The following ZNF407 variants were observed in gnomAD, a reference collection of about 807,000 sequenced individuals.
ZNF407 encodes the protein zinc finger protein 407.
Under a neutral mutation model 131.2 loss-of-function variants are expected in ZNF407, and 17 were observed. The ratio of observed to expected loss-of-function variants is 0.13; its 90% CI spans 0.09 to 0.19. The LOEUF (loss-of-function observed/expected upper bound fraction) is 0.19. Ranked by LOEUF, ZNF407 falls within the 10% of genes least tolerant of loss-of-function variation. The probability of loss-of-function intolerance (pLI) is 1.00; values close to 1 mark genes in which losing one functional copy is unlikely to be tolerated. For missense variants in ZNF407, 2,681 were observed against 2,830.6 expected (o/e 0.95, Z 1.20); for synonymous variants, 1,156 against 1,062.0 (o/e 1.09, Z -1.72).
chr18:74,796,045 T>C (rs1187470356), intron 4 of ZNF407, among the ~76,000 whole-genome samples: 1 of 152,254 alleles, frequency 6.6e-6, no homozygotes, highest in Non-Finnish European at 1.5e-5. Flanking sequence ...AATCGGCTGC[T>C]CTTTTCTCCC....
intron 3 of ZNF407, among the ~76,000 whole-genome samples, chr18:74,770,780 G>A (rs887070621): frequency 1.3e-5 from 2 of 152,092 alleles, no homozygotes; most frequent in African/African-American, 4.8e-5. Flanking sequence ...TAAGCTCTCA[G>A]ATTCTTGAAC....
At chr18:74,853,126 G>A (rs1970812632) in intron 4 of ZNF407, among the ~76,000 whole-genome samples, 2 of 152,070 alleles carry the variant, frequency 1.3e-5, no homozygotes, top group South Asian at 2.1e-4. Flanking sequence ...TCAAATGTGT[G>A]TACATCTTTG....
At chr18:74,774,973 C>T (rs1316541134) in intron 3 of ZNF407, among the ~76,000 whole-genome samples, 2 of 151,998 alleles carry the variant, frequency 1.3e-5, no homozygotes, top group East Asian at 1.9e-4. Flanking sequence ...AGTGGTGAGC[C>T]GGTTTGGAGA....
chr18:74,676,734 A>T (rs1257370221), intron 3 of ZNF407, among the ~76,000 whole-genome samples: 14 of 152,206 alleles, frequency 9.2e-5, no homozygotes, highest in Middle Eastern at 3.4e-3. Context: ...GTGCCCGGCC[A>T]GTATTTTTTA....
chr18:74,602,550 G>A (rs1255460631), intron 1 of ZNF407, among the ~76,000 whole-genome samples: 1 of 152,156 alleles, frequency 6.6e-6, no homozygotes, highest in Non-Finnish European at 1.5e-5. Context: ...TATAAACACT[G>A]TGCCAGGTGC....
intron 3 of ZNF407, among the ~76,000 whole-genome samples, chr18:74,689,868 A>G (rs898374010): frequency 6.6e-6 from 1 of 152,186 alleles, no homozygotes; most frequent in Non-Finnish European, 1.5e-5. Context: ...AGGGCAGGAC[A>G]GGTTCAGGCA....
chr18:74,727,340 T>G (rs897363475), intron 3 of ZNF407, among the ~76,000 whole-genome samples: 1 of 151,952 alleles, frequency 6.6e-6, no homozygotes, highest in African/African-American at 2.4e-5. Flanking sequence ...AGGAAGAGAG[T>G]GAAGAGAGTT....
chr18:74,799,065 T>C (rs1043893882), intron 4 of ZNF407, among the ~76,000 whole-genome samples: 14 of 152,172 alleles, frequency 9.2e-5, no homozygotes, highest in African/African-American at 3.4e-4. Context: ...TATAAAACTT[T>C]GATTACTAGA....
chr18:74,673,781 A>G (rs1211920929), intron 3 of ZNF407, among the ~76,000 whole-genome samples: 1 of 152,256 alleles, frequency 6.6e-6, no homozygotes, highest in Non-Finnish European at 1.5e-5. Flanking sequence ...ACTGTAATTT[A>G]AATATCTCTG....
At chr18:74,755,347 T>C (rs907829917) in intron 3 of ZNF407, among the ~76,000 whole-genome samples, 2 of 152,210 alleles carry the variant, frequency 1.3e-5, no homozygotes, top group East Asian at 3.9e-4. Flanking sequence ...CATTTACATT[T>C]AAGGTTAATA....
At position 74,872,711 on chromosome 18, in the gene ZNF407, G is replaced by A. The variant is rs534817574; in HGVS notation, c.4878-4486G>A. ...GCAGAAGTTGCAGTGAGCTGAGATCGGGCCACTCTACTCCAGCCTGGTGGC... is the reference window on the plus strand; with the variant it reads ...GCAGAAGTTGCAGTGAGCTGAGATCAGGCCACTCTACTCCAGCCTGGTGGC... On this transcript the variant is annotated intron_variant, in intron 4 of 8. Transcript: ENST00000299687. Among the ~76,000 whole-genome samples the A allele has an allele frequency of 4.0e-5, 6 of 149,880 alleles. No homozygotes were observed. The South Asian group carries it at 8.5e-4, about 21-fold the overall frequency.
chr18:74,725,140 C>CT (rs1423781473), intron 3 of ZNF407, among the ~76,000 whole-genome samples: 1 of 151,928 alleles, frequency 6.6e-6, no homozygotes, highest in Non-Finnish European at 1.5e-5. Context: ...TTAAGTATGC[C>CT]TTTTTTTTCT....
At chr18:75,046,778 C>A (rs1430286603) in intron 8 of ZNF407, among the ~76,000 whole-genome samples, 1 of 150,760 alleles carries the variant, frequency 6.6e-6, no homozygotes, top group African/African-American at 2.4e-5. Flanking sequence ...AAAAAAAAAG[C>A]CTTACCTCAC....
At chr18:74,688,172 A>C (rs1484922694) in intron 3 of ZNF407, among the ~76,000 whole-genome samples, 1 of 152,228 alleles carries the variant, frequency 6.6e-6, no homozygotes, top group African/African-American at 2.4e-5. Flanking sequence ...TGCTCTCAGC[A>C]GTCATTGTTT....
rs184338787 is a variant in ZNF407, at chr18:74,621,716, A to T, written c.-53-9251A>T. On this transcript the variant is annotated intron_variant, in intron 1 of 8. Coordinates refer to ENST00000299687, the MANE Select transcript of ZNF407 (RefSeq NM_017757.3). ...TCACTTCCACTATTTTCTGTCCCTT[A>T]CAAACAGCTCCGTACTCAAGAGGAG... 2.0e-3 allele frequency among the ~76,000 whole-genome samples: 311 copies of T among 152,308 alleles called. 2 individuals are homozygous for T. Among genetic ancestry groups the T allele is most frequent in the African/African-American group, 7.0e-3 (291 of 41,564 alleles).
intron 8 of ZNF407, among the ~76,000 whole-genome samples, chr18:74,952,037 G>A (rs887249317): frequency 3.9e-5 from 6 of 152,164 alleles, no homozygotes; most frequent in Non-Finnish European, 4.4e-5. Context: ...AACTGCAAAG[G>A]TGTTGCAAGC....
chr18:74,997,548 G>C (rs569728801), intron 8 of ZNF407, among the ~76,000 whole-genome samples: 2 of 152,270 alleles, frequency 1.3e-5, no homozygotes, highest in East Asian at 3.9e-4. Context: ...TTTTGTCCTT[G>C]TGCCCTTTTT....
Position 74,634,055 on chromosome 18 carries a change from A to C in ZNF407, c.3036A>C (p.Thr1012=), listed in dbSNP as rs760543783. The change falls in exon 2 of 9, where the codon ACA becomes ACC. Residue 1012 remains threonine (T), a synonymous_variant. Transcript: ENST00000299687. The stretch of plus-strand genomic sequence containing the variant: ...ATGTGTACTCCCAGAGAGATGTTAC[A>C]GGCACAGGTGAGAATAAGTGTTTGC... ...PGDVYSQRDV[T]GTGENKCLHC... 8.1e-6 allele frequency: 13 copies of C among 1,613,952 alleles called. No individual in the cohort carries two copies. The Admixed American group carries it at 1.8e-4, about 23-fold the overall frequency.
intron 8 of ZNF407, among the ~76,000 whole-genome samples, chr18:74,974,379 A>T (rs947363206): frequency 6.6e-6 from 1 of 152,222 alleles, no homozygotes; most frequent in Non-Finnish European, 1.5e-5. Context: ...ATAAAGAGTT[A>T]AAAGAAATAA....
Sources: gnomAD v4.1 joint callset for allele counts (sites outside exome capture counted in the v4.1 genomes callset) on GRCh38, gnomAD v4.1.1 for gene constraint, MANE v1.5 for transcripts, NCBI Gene and HGNC (gene_info 2026-07-23, HGNC 2026-07-21) for gene names.